OLFM3: variants seen among roughly 807,000 people sequenced by gnomAD.
OLFM3 encodes noelin-3.
Under a neutral mutation model 48.6 loss-of-function variants are expected in OLFM3, and 20 were observed. The ratio of observed to expected loss-of-function variants is 0.41; its 90% CI spans 0.29 to 0.60. The LOEUF is 0.60. Among genes scored for constraint, OLFM3 ranks in the 20% least tolerant of loss-of-function variants. The pLI, the probability that OLFM3 is intolerant of heterozygous loss-of-function variation, is 0.28. For missense variants in OLFM3, 437 were observed against 544.3 expected (o/e 0.80, Z 1.96); for synonymous variants, 222 against 198.1 (o/e 1.12, Z -1.01).
At chr1:101,957,624 G>A (rs1466218607) in intron 1 of OLFM3, among the ~76,000 whole-genome samples, 3 of 151,990 alleles carry the variant, frequency 2.0e-5, no homozygotes, top group Admixed American at 6.6e-5. Context: ...TAACTGCTAA[G>A]TTACATGTGC....
intron 4 of OLFM3, among the ~76,000 whole-genome samples, chr1:101,806,893 T>C (rs1440719268): frequency 6.6e-6 from 1 of 151,748 alleles, no homozygotes; most frequent in African/African-American, 2.4e-5. Context: ...TGAAAAAAGT[T>C]GTAATATTTT....
intron 4 of OLFM3, among the ~76,000 whole-genome samples, chr1:101,814,912 A>G (rs1031725912): frequency 2.0e-5 from 3 of 152,228 alleles, no homozygotes; most frequent in Non-Finnish European, 4.4e-5. Flanking sequence ...TTGATGAATT[A>G]AGAGGAGCAA....
chr1:101,947,398 G>A (rs1403288292), intron 1 of OLFM3, among the ~76,000 whole-genome samples: 1 of 152,144 alleles, frequency 6.6e-6, no homozygotes, highest in African/African-American at 2.4e-5. Flanking sequence ...CAAAGTTCAA[G>A]TGTGGCATCT....
At chr1:101,915,517 A>C (rs1891124) in intron 1 of OLFM3, among the ~76,000 whole-genome samples, 150,823 of 152,184 alleles carry the variant, frequency 0.99, 74,754 homozygotes, top group East Asian at 1. Context: ...TCTTGATGAA[A>C]TTAAACATAA....
intron 1 of OLFM3, among the ~76,000 whole-genome samples, chr1:101,993,241 T>C (rs1017870401): frequency 2.0e-5 from 3 of 152,144 alleles, no homozygotes; most frequent in Admixed American, 6.5e-5. Context: ...GAGAAATTCA[T>C]GGTTCTGATT....
intron 1 of OLFM3, among the ~76,000 whole-genome samples, chr1:101,955,652 T>C (rs1337492873): frequency 6.6e-6 from 1 of 151,976 alleles, no homozygotes; most frequent in African/African-American, 2.4e-5. Context: ...AGTCTTCTTC[T>C]AACTTGTTGA....
intron 1 of OLFM3, among the ~76,000 whole-genome samples, chr1:101,919,157 A>C (rs951443711): frequency 3.3e-5 from 5 of 152,204 alleles, no homozygotes; most frequent in Middle Eastern, 6.3e-3. Flanking sequence ...TCTTGCGCTG[A>C]CTTGTAAAAC....
intron 1 of OLFM3, among the ~76,000 whole-genome samples, chr1:101,966,479 A>G (rs1412705678): frequency 3.3e-5 from 5 of 152,168 alleles, no homozygotes; most frequent in Admixed American, 2.6e-4. Context: ...GGTCCTTCTC[A>G]TACTTTGGTA....
chr1:101,880,347 C>A (rs1657471148), intron 1 of OLFM3, among the ~76,000 whole-genome samples: 2 of 151,668 alleles, frequency 1.3e-5, no homozygotes, highest in South Asian at 4.2e-4. Context: ...CAGTGTCTAG[C>A]TTACTAAAAA....
chr1:101,984,693 G>A (rs1472096096), intron 1 of OLFM3, among the ~76,000 whole-genome samples: 1 of 152,118 alleles, frequency 6.6e-6, no homozygotes, highest in Non-Finnish European at 1.5e-5. Context: ...AGCCACTGTG[G>A]CCGGCTGCAA....
chr1:101,909,788 G>T (rs144064186), intron 1 of OLFM3, among the ~76,000 whole-genome samples: 28 of 152,112 alleles, frequency 1.8e-4, no homozygotes, highest in African/African-American at 6.3e-4. Flanking sequence ...GTGTAGGCTG[G>T]CAGGTTTATT....
rs1553186119 is a variant in OLFM3, at chr1:101,991,016, A to AAAAAAT, written c.69+5731_69+5732insATTTTT. On this transcript the variant is annotated intron_variant, in intron 1 of 5. Coordinates refer to ENST00000370103, the MANE Select transcript of OLFM3 (RefSeq NM_058170.4). ...AAAAAAAAAAAAAAAAAAAAAAAAA[A>AAAAAAT]ATATATATATATATATATATATATA... 3.8e-3 allele frequency among the ~76,000 whole-genome samples: 123 copies of AAAAAAT among 32,144 alleles called. 4 individuals carry two copies. The highest frequency in any genetic ancestry group is 5.1e-3 in the Non-Finnish European group (98 of 19,208). 21.1% of individuals were successfully genotyped at this position (32,144 alleles called of 152,430 possible).
chr1:101,975,834 A>C (rs1239109125), intron 1 of OLFM3, among the ~76,000 whole-genome samples: 2 of 152,156 alleles, frequency 1.3e-5, no homozygotes, highest in East Asian at 3.9e-4. Flanking sequence ...GGAGCAACGC[A>C]GCGTAATACC....
At chr1:101,875,440 G>A (rs1209764632) in intron 1 of OLFM3, among the ~76,000 whole-genome samples, 1 of 151,914 alleles carries the variant, frequency 6.6e-6, no homozygotes, top group Non-Finnish European at 1.5e-5. Context: ...CTTAATGCAA[G>A]ATGTAAATAA....
At chr1:101,895,944 T>C (rs1658182496) in intron 1 of OLFM3, among the ~76,000 whole-genome samples, 1 of 149,634 alleles carries the variant, frequency 6.7e-6, no homozygotes, top group African/African-American at 2.5e-5. Context: ...ATGCAAGAGT[T>C]ACCAAATAAT....
At chr1:101,985,219 G>A (rs190552929) in intron 1 of OLFM3, among the ~76,000 whole-genome samples, 41 of 152,246 alleles carry the variant, frequency 2.7e-4, no homozygotes, top group Non-Finnish European at 2.2e-4. Context: ...TGATTATACT[G>A]AGCCTACCCA....
At chr1:101,969,566 AAAT>A (rs1372189264) in intron 1 of OLFM3, among the ~76,000 whole-genome samples, 1 of 152,170 alleles carries the variant, frequency 6.6e-6, no homozygotes, top group Non-Finnish European at 1.5e-5. Flanking sequence ...TCCTCTATTT[AAAT>A]AATCAATTTT....
At position 101,829,368 on chromosome 1, in the gene OLFM3, C is replaced by T. The variant is rs937144420; in HGVS notation, c.372+1304G>A. Among the ~76,000 whole-genome samples the T allele has an allele frequency of 2.0e-5, 3 of 152,112 alleles. No individual in the cohort carries two copies. The South Asian group carries it at 6.2e-4, about 32-fold the overall frequency. On this transcript the variant is annotated intron_variant, in intron 3 of 5. Transcript: ENST00000370103. ...GTGTACTTCTCTCTTCAATTTAAAC[C>T]TCATGATTAATCACTTCAGTCCCCT... is the stretch of plus-strand genomic sequence containing the variant.
chr1:101,943,913 T>C (rs988060724), intron 1 of OLFM3, among the ~76,000 whole-genome samples: 12 of 151,862 alleles, frequency 7.9e-5, no homozygotes, highest in African/African-American at 2.9e-4. Context: ...TAATATTCTG[T>C]TTCTGATTGA....
Sources: allele counts gnomAD v4.1 joint callset (sites outside exome capture counted in the v4.1 genomes callset), GRCh38; gene constraint gnomAD v4.1.1; transcripts MANE v1.5; gene names NCBI Gene and HGNC (gene_info 2026-07-23, HGNC 2026-07-21).